The following CLSTN2 variants were observed in gnomAD, a reference collection of about 807,000 sequenced individuals.
The protein encoded by CLSTN2 is calsyntenin-2.
CLSTN2 carries 48 observed loss-of-function variants against 101.2 expected under a neutral mutation model. The observed-to-expected ratio is 0.47, with a 90% CI of 0.38 to 0.60. The LOEUF (loss-of-function observed/expected upper bound fraction) is 0.60. CLSTN2 is among the 20% of genes least tolerant of loss of function. The pLI is 0.00. For synonymous variants in CLSTN2, 481 were observed against 463.6 expected (o/e 1.04, Z -0.48); for missense variants, 1,160 against 1,238.2 (o/e 0.94, Z 0.95).
At chr3:140,022,849 A>T (rs181130124) in intron 1 of CLSTN2, among the ~76,000 whole-genome samples, 1 of 152,310 alleles carries the variant, frequency 6.6e-6, no homozygotes, top group Non-Finnish European at 1.5e-5. Context: ...CAGGCCCAGA[A>T]TCAGATGTTC....
chr3:139,949,088 C>T (rs1385848394), intron 1 of CLSTN2, among the ~76,000 whole-genome samples: 1 of 152,130 alleles, frequency 6.6e-6, no homozygotes, highest in African/African-American at 2.4e-5. Context: ...GGAAGGCCTC[C>T]CCCACGCTGT....
chr3:139,988,912 A>G (rs1936073116), intron 1 of CLSTN2, among the ~76,000 whole-genome samples: 2 of 152,212 alleles, frequency 1.3e-5, no homozygotes, highest in Admixed American at 6.5e-5. Context: ...AGTCACTCCC[A>G]GTAAGCCGAA....
At chr3:140,027,397 C>T (rs2007443011) in intron 1 of CLSTN2, among the ~76,000 whole-genome samples, 1 of 152,076 alleles carries the variant, frequency 6.6e-6, no homozygotes, top group Non-Finnish European at 1.5e-5. Context: ...AAGATGGAGG[C>T]AGCCCCAAAC....
chr3:140,268,750 G>T (rs946310996), intron 2 of CLSTN2, among the ~76,000 whole-genome samples: 1 of 152,156 alleles, frequency 6.6e-6, no homozygotes, highest in East Asian at 1.9e-4. Context: ...ACTGTACATG[G>T]TATAGTTGGC....
intron 1 of CLSTN2, among the ~76,000 whole-genome samples, chr3:139,968,028 G>C (rs552057404): frequency 6.6e-6 from 1 of 152,254 alleles, no homozygotes; most frequent in Non-Finnish European, 1.5e-5. Context: ...GCAGCAAACA[G>C]TTAAATATTA....
At chr3:140,394,784 A>T (rs1193690811) in intron 2 of CLSTN2, among the ~76,000 whole-genome samples, 1 of 152,252 alleles carries the variant, frequency 6.6e-6, no homozygotes, top group Non-Finnish European at 1.5e-5. Context: ...GTAAACACTG[A>T]ATAAGTATGA....
chr3:140,386,850 T>G (rs1321477958), intron 2 of CLSTN2, among the ~76,000 whole-genome samples: 1 of 152,166 alleles, frequency 6.6e-6, no homozygotes, highest in Non-Finnish European at 1.5e-5. Flanking sequence ...CCAAGCCAAG[T>G]ATGAACTTAC....
chr3:140,257,920 C>T (rs1014172223), intron 2 of CLSTN2, among the ~76,000 whole-genome samples: 1 of 152,028 alleles, frequency 6.6e-6, no homozygotes, highest in Non-Finnish European at 1.5e-5. Context: ...ATAGTTAAGG[C>T]TCTTCACATA....
At chr3:140,294,179 G>A (rs2086981497) in intron 2 of CLSTN2, among the ~76,000 whole-genome samples, 1 of 152,210 alleles carries the variant, frequency 6.6e-6, no homozygotes. Context: ...ATGTGACTAT[G>A]AAGTTACCTA....
chr3:140,566,435 C>A lies in CLSTN2; in HGVS notation c.*182C>A. ...CTGTGTTTCATCCATGGGGAAGTTC[C>A]AAGAAGCCCAGCATGGCCATCAGTG... On this transcript the variant is annotated 3_prime_UTR_variant, in exon 17 of 17. Transcript: ENST00000458420. 1.6e-6 allele frequency: 1 copy of A among 632,130 alleles called. No individual in the cohort carries two copies. The highest frequency in any genetic ancestry group is 2.8e-6 in the Non-Finnish European group (1 of 359,950). The allele number at this position is 632,130 out of a possible 1,614,324, so 39.2% of individuals were successfully genotyped here.
chr3:140,376,974 G>T (rs2087924589), intron 2 of CLSTN2, among the ~76,000 whole-genome samples: 1 of 151,502 alleles, frequency 6.6e-6, no homozygotes, highest in African/African-American at 2.4e-5. Flanking sequence ...ACAGGAATTG[G>T]CCAGAGATTA....
At chr3:140,235,575 C>G (rs2086409889) in intron 2 of CLSTN2, among the ~76,000 whole-genome samples, 1 of 152,212 alleles carries the variant, frequency 6.6e-6, no homozygotes, top group South Asian at 2.1e-4. Context: ...TTCTGGTTTG[C>G]TATGACTGAT....
At chr3:140,538,303 C>T (rs1559898226) in intron 9 of CLSTN2, among the ~76,000 whole-genome samples, 1 of 152,156 alleles carries the variant, frequency 6.6e-6, no homozygotes, top group Non-Finnish European at 1.5e-5. Flanking sequence ...TACCCTGGAT[C>T]CTGGTCTTGC....
chr3:140,571,484 T>A lies in CLSTN2; in HGVS notation c.*5231T>A, dbSNP rs775281290. On this transcript the variant is annotated 3_prime_UTR_variant, in exon 17 of 17. Coordinates refer to ENST00000458420, the MANE Select transcript of CLSTN2 (RefSeq NM_022131.3). ...GATGATTTTTAGGTAAGATAACGTT[T>A]AGGCCTCTGGGGGATCCCCAAAGCC... The A allele has an allele frequency of 6.6e-6, 1 of 152,260 alleles. No individual in the cohort carries two copies. Among genetic ancestry groups the A allele is most frequent in the Non-Finnish European group, 1.5e-5 (1 of 68,048 alleles). 9.4% of individuals were successfully genotyped at this position (152,260 alleles called of 1,614,324 possible).
chr3:140,025,743 ATC>A, intron 1 of CLSTN2, among the ~76,000 whole-genome samples: 1 of 152,270 alleles, frequency 6.6e-6, no homozygotes, highest in Non-Finnish European at 1.5e-5. Flanking sequence ...CTTCAGTGAT[ATC>A]TGTTTTGCTG....
intron 15 of CLSTN2, among the ~76,000 whole-genome samples, chr3:140,563,707 T>C (rs986159685): frequency 3.3e-5 from 5 of 152,220 alleles, no homozygotes; most frequent in East Asian, 1.9e-4. Context: ...TGAACACCTA[T>C]ACTGTGCCTA....
At chr3:140,421,304 G>A (rs1203598257) in intron 5 of CLSTN2, 30 bp downstream of exon 5, 1 of 1,613,204 alleles carries the variant, frequency 6.2e-7, no homozygotes, top group Admixed American at 1.7e-5. Context: ...CTTGTGTGAA[G>A]GCAGCATGGT....
intron 1 of CLSTN2, among the ~76,000 whole-genome samples, chr3:140,138,452 A>C (rs1283410362): frequency 6.6e-6 from 1 of 152,210 alleles, no homozygotes; most frequent in Non-Finnish European, 1.5e-5. Flanking sequence ...GTTGGAGTCC[A>C]CCTGAGGTAA....
intron 1 of CLSTN2, among the ~76,000 whole-genome samples, chr3:140,169,453 T>G (rs1270477085): frequency 6.6e-6 from 1 of 152,144 alleles, no homozygotes; most frequent in South Asian, 2.1e-4. Context: ...ATTTCCAATT[T>G]AATATTTTTT....
Sources: gnomAD v4.1 joint callset for allele counts (sites outside exome capture counted in the v4.1 genomes callset) on GRCh38, gnomAD v4.1.1 for gene constraint, MANE v1.5 for transcripts, NCBI Gene and HGNC (gene_info 2026-07-23, HGNC 2026-07-21) for gene names.